The following MFF variants were observed in gnomAD, a reference collection of about 807,000 sequenced individuals.
The protein encoded by MFF is mitochondrial fission factor.
Under a neutral mutation model 36.9 loss-of-function variants are expected in MFF, and 12 were observed. The ratio of observed to expected loss-of-function variants is 0.33; its 90% confidence interval spans 0.21 to 0.53. The LOEUF (loss-of-function observed/expected upper bound fraction) is 0.53. Ranked by LOEUF, MFF falls within the 20% of genes least tolerant of loss-of-function variation. The pLI is 0.95. For missense variants in MFF, 348 were observed against 366.6 expected (o/e 0.95, Z 0.42); for synonymous variants, 99 against 126.2 (o/e 0.78, Z 1.44).
At chr2:227,325,907 A>G (rs1381186184) in intron 1 of MFF, among the ~76,000 whole-genome samples, 3 of 152,072 alleles carry the variant, frequency 2.0e-5, no homozygotes, top group Non-Finnish European at 4.4e-5. Flanking sequence ...CATTTTGGAA[A>G]AGAAGGGCCT....
At chr2:227,356,932 C>T (rs2106479726) in intron 8 of MFF, 54 bp from the exon 9 acceptor site, 2 of 1,334,074 alleles carry the variant, frequency 1.5e-6, no homozygotes, top group Non-Finnish European at 2.1e-6. Flanking sequence ...ATCTGATTGC[C>T]CTATTCATTA....
rs1220881267 is a variant in MFF at position 227,352,500 on chromosome 2, A to G, written c.600-14A>G. ...ATTCTGTCTTGTGCCTTCTCCCGCA[A>G]AAACCTGCCTTAGACCTGTGTTGCG... On this transcript the variant is annotated splice_polypyrimidine_tract_variant and intron_variant, in intron 6 of 8. Coordinates refer to ENST00000304593, the MANE Select transcript of MFF (RefSeq NM_001277062.2). 1 of 1,613,344 alleles carries G rather than the reference A, an allele frequency of 6.2e-7. No individual in the cohort carries two copies. The highest frequency in any genetic ancestry group is 1.7e-5 in the Admixed American group (1 of 59,978).
At chr2:227,342,614 A>T in intron 5 of MFF, 1 of 639,086 alleles carries the variant, frequency 1.6e-6, no homozygotes, top group Non-Finnish European at 2.7e-6. Context: ...TTTCTTAATT[A>T]CTTCGAAGAG....
chr2:227,330,501 G>A (rs528526021), intron 2 of MFF, 125 bp from the exon 3 acceptor site: 6 of 649,138 alleles, frequency 9.2e-6, no homozygotes, highest in African/African-American at 5.5e-5. Context: ...CTTTGTATGT[G>A]TTCAGTACTT....
rs368093027 is a variant in MFF at position 227,332,512 on chromosome 2, G to A, written c.275G>A (p.Arg92His). 361 of 1,613,260 alleles carry A rather than the reference G, an allele frequency of 2.2e-4. No homozygotes were observed. Among genetic ancestry groups the A allele is most frequent in the Non-Finnish European group, 2.9e-4 (344 of 1,179,430 alleles). Reference protein sequence around the residue: ...FKPLALKTPPRVLTLSERPLD... With the variant: ...FKPLALKTPPHVLTLSERPLD... ...CCCCTGGCACTGAAAACACCACCTC[G>A]TGTACTTACGCTGAGTGAAAGACCA... The change falls in exon 4 of 9, where the codon CGT (arginine) becomes CAT (histidine). Residue 92 changes from arginine (R) to histidine (H), a missense_variant. Transcript: ENST00000304593.
chr2:227,335,140 G>A (rs1017287725), intron 4 of MFF, among the ~76,000 whole-genome samples: 4 of 145,792 alleles, frequency 2.7e-5, no homozygotes, highest in East Asian at 2.0e-4. Flanking sequence ...ACTGTACTCC[G>A]GTCTGGGCAA....
intron 5 of MFF, among the ~76,000 whole-genome samples, chr2:227,343,848 C>T (rs1464400185): frequency 2.6e-5 from 4 of 152,026 alleles, no homozygotes; most frequent in East Asian, 3.9e-4. Flanking sequence ...AGTGCAATGG[C>T]GTGATCTCAG....
rs370817463 is a variant in MFF at position 227,355,715 on chromosome 2, C to T, written c.698C>T (p.Thr233Met). The T allele has an allele frequency of 1.5e-5, 24 of 1,611,568 alleles. 1 individual carries two copies. The highest frequency in any genetic ancestry group is 6.6e-5 in the South Asian group (6 of 90,996). Residue 233 changes from threonine (T) to methionine (M), a missense_variant, in exon 8 of 9, where the codon ACG (threonine) becomes ATG (methionine). Transcript: ENST00000304593. ...ISNIDTTIEG[T>M]SDDLTVVDAA... is the part of the protein sequence containing the mutation. ...AATATAGATACAACCATTGAAGGAA[C>T]GTCAGATGACCTGACTGTTGTAGAT...
chr2:227,354,506 G>A (rs1044697459), intron 7 of MFF, among the ~76,000 whole-genome samples: 8 of 152,296 alleles, frequency 5.3e-5, no homozygotes, highest in Middle Eastern at 3.4e-3. Context: ...TAAAATACAT[G>A]TGAGGTGAAT....
intron 7 of MFF, among the ~76,000 whole-genome samples, chr2:227,353,276 C>A (rs936298308): frequency 7.9e-5 from 12 of 152,222 alleles, no homozygotes; most frequent in African/African-American, 1.9e-4. Flanking sequence ...TGGAAAAAAT[C>A]AAAAACTTGT....
chr2:227,329,923 TA>T (rs11384091), intron 2 of MFF: 125 of 409,714 alleles, frequency 3.1e-4, no homozygotes, highest in South Asian at 8.2e-4. Context: ...TCTACTGCAT[TA>T]AAAAAAAAAA....
chr2:227,343,776 GT>G (rs1180036653), intron 5 of MFF, among the ~76,000 whole-genome samples: 1 of 151,924 alleles, frequency 6.6e-6, no homozygotes, highest in Non-Finnish European at 1.5e-5. Context: ...ATTGGCTGGT[GT>G]TTTTTTGGTT....
intron 4 of MFF, among the ~76,000 whole-genome samples, chr2:227,334,754 C>A (rs2074858826): frequency 6.6e-6 from 1 of 152,126 alleles, no homozygotes; most frequent in Non-Finnish European, 1.5e-5. Flanking sequence ...TCTTCCAAGT[C>A]ATGATATCCA....
chr2:227,337,233 G>A (rs1367699121), intron 4 of MFF, among the ~76,000 whole-genome samples: 1 of 152,224 alleles, frequency 6.6e-6, no homozygotes, highest in Admixed American at 6.5e-5. Context: ...TGACAAATTG[G>A]GCTATGTGTC....
At chr2:227,332,139 T>A (rs886892911) in intron 3 of MFF, among the ~76,000 whole-genome samples, 2 of 124,856 alleles carry the variant, frequency 1.6e-5, no homozygotes, top group African/African-American at 5.6e-5. Flanking sequence ...GCCCGGCTAA[T>A]TTTTTTGTAT....
intron 3 of MFF, among the ~76,000 whole-genome samples, chr2:227,331,856 A>G (rs1324935861): frequency 2.0e-5 from 3 of 151,844 alleles, no homozygotes; most frequent in Admixed American, 1.3e-4. Flanking sequence ...AGAGTTTTAA[A>G]TATTCTAGAT....
At chr2:227,352,246 A>G in intron 6 of MFF, 1 of 334,792 alleles carries the variant, frequency 3.0e-6, no homozygotes, top group South Asian at 6.1e-5. Flanking sequence ...GCACCAAGAA[A>G]ATTATTTTAT....
intron 3 of MFF, 150 bp downstream of exon 3, chr2:227,330,996 G>C: frequency 1.5e-6 from 1 of 655,384 alleles, no homozygotes; most frequent in Admixed American, 3.0e-5. Context: ...ATTATAGTCT[G>C]AATTGCAAAC....
intron 1 of MFF, among the ~76,000 whole-genome samples, chr2:227,326,424 T>C (rs975457360): frequency 7.9e-5 from 12 of 152,192 alleles, no homozygotes; most frequent in African/African-American, 2.9e-4. Context: ...GATTTAGTTA[T>C]ACTTAGTAGT....
Sources: gnomAD v4.1 joint callset for allele counts (sites outside exome capture counted in the v4.1 genomes callset) on GRCh38, gnomAD v4.1.1 for gene constraint, MANE v1.5 for transcripts, NCBI Gene and HGNC (gene_info 2026-07-23, HGNC 2026-07-21) for gene names.